The following ANAPC16 variants were observed in gnomAD, a reference collection of about 807,000 sequenced individuals.
The protein encoded by ANAPC16 is anaphase promoting complex subunit 16.
ANAPC16 carries 6 observed loss-of-function variants against 13.1 expected under a neutral mutation model. That is an observed-to-expected ratio of 0.46 (90% CI 0.25 to 0.90). The LOEUF is 0.90. Among genes scored for constraint, ANAPC16 ranks in the 40% least tolerant of loss-of-function variants. The pLI is 0.18. For synonymous variants in ANAPC16, 55 were observed against 51.3 expected, an observed-to-expected ratio of 1.07 and a Z score of -0.31; for missense variants, 113 against 131.1, an observed-to-expected ratio of 0.86 and a Z score of 0.67.
At chr10:72,228,297 A>C (rs1860189315) in intron 2 of ANAPC16, among the ~76,000 whole-genome samples, 1 of 152,190 alleles carries the variant, frequency 6.6e-6, no homozygotes, top group Admixed American at 6.6e-5. Flanking sequence ...GCCCTTGGCC[A>C]AAATTGTCCT....
intron 2 of ANAPC16, among the ~76,000 whole-genome samples, chr10:72,229,296 G>A (rs1462185222): frequency 2.1e-4 from 30 of 144,070 alleles, no homozygotes; most frequent in African/African-American, 7.6e-4. Context: ...ATATATTCAA[G>A]CTCTTTGGAT....
rs1322167189 is a variant in ANAPC16 at position 72,235,159 on chromosome 10, A to T, written c.*2043A>T. The T allele has an allele frequency of 6.6e-6, 1 of 151,818 alleles. No individual in the cohort carries two copies. Among genetic ancestry groups the T allele is most frequent in the Non-Finnish European group, 1.5e-5 (1 of 68,004 alleles). 9.4% of individuals were successfully genotyped at this position (151,818 alleles called of 1,614,324 possible). ...GAGCGAGACTCTGTCTCAAAAAAAA[A>T]AAAATAAAGCCGGGCGTGGTGGCTC... On this transcript the variant is annotated 3_prime_UTR_variant, in exon 4 of 4. Transcript: ENST00000299381.
chr10:72,228,480 A>G (rs1423852366), intron 2 of ANAPC16, among the ~76,000 whole-genome samples: 3 of 152,152 alleles, frequency 2.0e-5, no homozygotes, highest in East Asian at 1.9e-4. Context: ...GGAGTTGGCT[A>G]TGGTGTTAGA....
At chr10:72,217,505 T>C (rs1263826204) in intron 1 of ANAPC16, among the ~76,000 whole-genome samples, 1 of 151,544 alleles carries the variant, frequency 6.6e-6, no homozygotes, top group Non-Finnish European at 1.5e-5. Flanking sequence ...TGTAAAGTGC[T>C]TAATAGAAGG....
Position 72,230,557 on chromosome 10 carries a change from A to G in ANAPC16, c.217+117A>G, listed in dbSNP as rs999614054. ...CTATTTTAGTGGACTTCCTAAATTA[A>G]AGAACATTCTAGGTCTTAATCTAGT... On this transcript the variant is annotated intron_variant, in intron 3 of 3. Transcript: ENST00000299381. 10 of 839,800 alleles carry G rather than the reference A, an allele frequency of 1.2e-5. No individual in the cohort carries two copies. The African/African-American group carries it at 1.7e-4, about 14-fold the overall frequency. 52.0% of individuals were successfully genotyped at this position (839,800 alleles called of 1,614,324 possible).
chr10:72,224,130 TGGATTAAA>T, intron 2 of ANAPC16, 74 bp downstream of exon 2: 1 of 1,387,088 alleles, frequency 7.2e-7, no homozygotes, highest in Non-Finnish European at 9.6e-7. Flanking sequence ...AGCTATTAAG[TGGATTAAA>T]GATGAGTTTG....
intron 1 of ANAPC16, among the ~76,000 whole-genome samples, chr10:72,222,096 C>A (rs9415057): frequency 0.99 from 150,098 of 151,492 alleles, 74,393 homozygotes; most frequent in Middle Eastern, 1. Context: ...TGGGAGACCA[C>A]GGTGGGAGAA....
At chr10:72,223,482 T>C (rs1860018375) in intron 1 of ANAPC16, 1 of 154,678 alleles carries the variant, frequency 6.5e-6, no homozygotes, top group Non-Finnish European at 1.4e-5. Flanking sequence ...TAATTTATTG[T>C]TGTGGCTTGA....
At chr10:72,230,520 A>G in intron 3 of ANAPC16, 80 bp downstream of exon 3, 3 of 1,209,728 alleles carry the variant, frequency 2.5e-6, no homozygotes, top group Non-Finnish European at 3.7e-6. Flanking sequence ...AAAATCCCCA[A>G]ACTCAGCAAG....
At chr10:72,228,703 G>A (rs1860200992) in intron 2 of ANAPC16, among the ~76,000 whole-genome samples, 1 of 152,188 alleles carries the variant, frequency 6.6e-6, no homozygotes, top group Non-Finnish European at 1.5e-5. Context: ...GAAGCAATTG[G>A]ACTTGGACGT....
intron 2 of ANAPC16, among the ~76,000 whole-genome samples, chr10:72,224,339 A>G (rs1860047768): frequency 6.6e-6 from 1 of 152,168 alleles, no homozygotes; most frequent in Non-Finnish European, 1.5e-5. Context: ...AGGGCTGGGC[A>G]CGGTGGCTCA....
chr10:72,216,597 C>T (rs1859395910), intron 1 of ANAPC16, among the ~76,000 whole-genome samples: 1 of 151,644 alleles, frequency 6.6e-6, no homozygotes, highest in South Asian at 2.1e-4. Context: ...TAATAATTTG[C>T]CTTTGTACTA....
At chr10:72,219,287 C>T (rs1165424514) in intron 1 of ANAPC16, among the ~76,000 whole-genome samples, 1 of 152,180 alleles carries the variant, frequency 6.6e-6, no homozygotes, top group Non-Finnish European at 1.5e-5. Flanking sequence ...AGTTCAAAAA[C>T]AATTCAAAAA....
intron 2 of ANAPC16, among the ~76,000 whole-genome samples, chr10:72,226,958 G>A (rs1860140942): frequency 6.6e-6 from 1 of 152,104 alleles, no homozygotes. Flanking sequence ...ACTGAGTCTG[G>A]TTAGAAGTAG....
rs745667154 is a variant in ANAPC16, at chr10:72,224,000, C to A, written c.86C>A (p.Ala29Asp). The A allele has an allele frequency of 2.4e-5, 39 of 1,611,564 alleles. No individual in the cohort carries two copies. Residue 29 changes from alanine to aspartate, a missense_variant, in exon 2 of 4, where the codon GCC becomes GAC. Ala to Asp is a moderately radical substitution (Grantham distance 126, BLOSUM62 -2). Coordinates refer to ENST00000299381, the MANE Select transcript of ANAPC16 (RefSeq NM_173473.4). ...TCTGGTTTCAGTGTCTCAGACCTTG[C>A]CCCACCACGGAAAGCCCTTTTCACC... Reference protein sequence around the residue: ...TGSGFSVSDLAPPRKALFTYP... With the variant: ...TGSGFSVSDLDPPRKALFTYP...
intron 3 of ANAPC16, 145 bp downstream of exon 3, chr10:72,230,585 TA>T: frequency 1.5e-6 from 1 of 686,134 alleles, no homozygotes; most frequent in South Asian, 1.8e-5. Flanking sequence ...AATCTAGTCA[TA>T]ATGTCCACAT....
At chr10:72,227,796 C>T (rs181494660) in intron 2 of ANAPC16, among the ~76,000 whole-genome samples, 3,406 of 150,358 alleles carry the variant, frequency 0.023, 53 homozygotes, top group Non-Finnish European at 0.038. Context: ...TTTGGGAGGC[C>T]GAGGTGGGCG....
In ANAPC16 at chr10:72,217,740, G is replaced by T. The variant is rs367805647; in HGVS notation, c.-28+1602G>T. Among the ~76,000 whole-genome samples the T allele has an allele frequency of 2.0e-5, 3 of 152,160 alleles. No homozygotes were observed. The East Asian group carries it at 5.8e-4, about 29-fold the overall frequency. Reference sequence around the variant, plus strand: ...TGTAACTGTTCCAAGTGTTTTACGTGTATTAACTAATCTTTGTCACACCTG... The same window carrying T: ...TGTAACTGTTCCAAGTGTTTTACGTTTATTAACTAATCTTTGTCACACCTG... On this transcript the variant is annotated intron_variant, in intron 1 of 3. Transcript: ENST00000299381.
chr10:72,216,975 C>T (rs1294768974), intron 1 of ANAPC16: 7 of 455,800 alleles, frequency 1.5e-5, no homozygotes, highest in Admixed American at 9.4e-5. Flanking sequence ...TGATCCAATA[C>T]TCATGACACA....
Sources: gnomAD v4.1 joint callset for allele counts (sites outside exome capture counted in the v4.1 genomes callset) on GRCh38, gnomAD v4.1.1 for gene constraint, MANE v1.5 for transcripts, NCBI Gene and HGNC (gene_info 2026-07-23, HGNC 2026-07-21) for gene names.